Variants in MPPED1 observed in about 807,000 individuals in gnomAD.
The protein encoded by MPPED1 is metallophosphoesterase domain containing 1, also known as metallophosphoesterase domain-containing protein 1.
A neutral mutation model predicts 36.2 loss-of-function variants in MPPED1; 16 were observed. The observed-to-expected ratio is 0.44, with a 90% CI of 0.30 to 0.67. The LOEUF (loss-of-function observed/expected upper bound fraction) is 0.67, where lower values mean the gene tolerates loss of function less well. MPPED1 is among the 30% of genes least tolerant of loss of function. MPPED1 has a pLI of 0.10. For missense variants in MPPED1, 307 were observed against 453.4 expected, an observed-to-expected ratio of 0.68 and a Z score of 2.93; for synonymous variants, 199 against 191.3, an observed-to-expected ratio of 1.04 and a Z score of -0.33.
chr22:43,448,458 C>G (rs945773715), intron 3 of MPPED1, among the ~76,000 whole-genome samples: 2 of 152,218 alleles, frequency 1.3e-5, no homozygotes, highest in African/African-American at 4.8e-5. Flanking sequence ...TCTGCTGTTG[C>G]TGTCTCTGCT....
intron 3 of MPPED1, among the ~76,000 whole-genome samples, chr22:43,452,343 C>A (rs1045530420): frequency 1.3e-5 from 2 of 152,012 alleles, no homozygotes; most frequent in African/African-American, 4.8e-5. Context: ...TCTTGTGGAA[C>A]CTCTCATACT....
intron 5 of MPPED1, among the ~76,000 whole-genome samples, chr22:43,498,811 C>G (rs1932514341): frequency 6.6e-6 from 1 of 151,868 alleles, no homozygotes; most frequent in South Asian, 2.1e-4. Context: ...ACCCCACCAC[C>G]CAATCCACAC....
At chr22:43,480,962 T>C (rs905003621) in intron 4 of MPPED1, among the ~76,000 whole-genome samples, 2 of 152,078 alleles carry the variant, frequency 1.3e-5, no homozygotes, top group Non-Finnish European at 2.9e-5. Context: ...TAGCTTGGAT[T>C]ACAGGTAGCT....
chr22:43,466,976 T>C (rs1443790613), intron 3 of MPPED1, among the ~76,000 whole-genome samples: 1 of 152,242 alleles, frequency 6.6e-6, no homozygotes, highest in Non-Finnish European at 1.5e-5. Context: ...GCCATTTCTG[T>C]GTCCATGTGT....
chr22:43,424,388 C>T (rs893038976), intron 1 of MPPED1, among the ~76,000 whole-genome samples: 3 of 152,144 alleles, frequency 2.0e-5, no homozygotes, highest in African/African-American at 4.8e-5. Context: ...GGAATTTTCG[C>T]CCGTGCTGTC....
At chr22:43,485,010 C>T (rs528192352) in intron 4 of MPPED1, among the ~76,000 whole-genome samples, 15 of 152,258 alleles carry the variant, frequency 9.9e-5, no homozygotes, top group South Asian at 4.1e-4. Flanking sequence ...CTTCTACAAA[C>T]GCACAGACAC....
intron 2 of MPPED1, among the ~76,000 whole-genome samples, chr22:43,428,609 C>T (rs749067345): frequency 6.6e-6 from 1 of 152,138 alleles, no homozygotes; most frequent in South Asian, 2.1e-4. Context: ...GGTGAGGGAG[C>T]GATGGAGCCT....
chr22:43,448,751 T>C (rs1002787194), intron 3 of MPPED1, among the ~76,000 whole-genome samples: 4 of 152,050 alleles, frequency 2.6e-5, no homozygotes, highest in African/African-American at 7.2e-5. Context: ...TACAGGCACC[T>C]GCCACCATGC....
At chr22:43,414,213 G>A (rs5759330) in intron 1 of MPPED1, among the ~76,000 whole-genome samples, 32,885 of 152,188 alleles carry the variant, frequency 0.22, 4,859 homozygotes, top group East Asian at 0.61. Flanking sequence ...GCTCACCCAT[G>A]AGACTCTTAA....
At chr22:43,427,863 C>T (rs1346422690) in intron 2 of MPPED1, among the ~76,000 whole-genome samples, 3 of 152,120 alleles carry the variant, frequency 2.0e-5, no homozygotes, top group Non-Finnish European at 4.4e-5. Context: ...TGGTCCTCAC[C>T]CCCCGTGACA....
intron 4 of MPPED1, among the ~76,000 whole-genome samples, chr22:43,496,621 G>GGT (rs1932381072): frequency 4.2e-5 from 1 of 23,886 alleles, no homozygotes; most frequent in Non-Finnish European, 6.3e-5. Context: ...TGGTGGTGGA[G>GGT]ATGGTGGTGG....
intron 3 of MPPED1, among the ~76,000 whole-genome samples, chr22:43,465,122 A>C (rs971575414): frequency 1.4e-4 from 22 of 152,166 alleles, no homozygotes; most frequent in African/African-American, 5.3e-4. Context: ...AGGCACGAGG[A>C]GGGGAAAGGC....
intron 3 of MPPED1, among the ~76,000 whole-genome samples, chr22:43,448,597 T>TTA (rs1930447858): frequency 6.6e-6 from 1 of 151,014 alleles, no homozygotes; most frequent in Non-Finnish European, 1.5e-5. Context: ...TTTATTTATT[T>TTA]ATTTATTTAT....
intron 3 of MPPED1, among the ~76,000 whole-genome samples, chr22:43,437,562 G>A (rs1228907413): frequency 6.6e-6 from 1 of 152,146 alleles, no homozygotes; most frequent in Non-Finnish European, 1.5e-5. Flanking sequence ...TTGGAAGTAA[G>A]GGTGTGGACG....
rs1392699791 is a variant in MPPED1 at position 43,443,807 on chromosome 22, G to T, written c.406+8592G>T. 2.6e-5 allele frequency among the ~76,000 whole-genome samples: 4 copies of T among 152,050 alleles called. 1 individual carries two copies. Among genetic ancestry groups the T allele is most frequent in the Admixed American group, 1.3e-4 (2 of 15,258 alleles). ...AGACACACATTGTTATTCTTGCAAA[G>T]ACTTGAGATTGAATATTTTAAAAAT... On this transcript the variant is annotated intron_variant, in intron 3 of 6. Transcript: ENST00000443721.
chr22:43,484,214 G>A (rs1931840316), intron 4 of MPPED1, among the ~76,000 whole-genome samples: 3 of 152,210 alleles, frequency 2.0e-5, no homozygotes, highest in African/African-American at 7.2e-5. Context: ...CTTCATACTC[G>A]AGACCCGCAT....
Position 43,425,058 on chromosome 22 carries a change from A to G in MPPED1, c.73A>G (p.Met25Val). The change falls in exon 2 of 7, where the codon ATG (methionine) becomes GTG (valine). Residue 25 changes from methionine (M) to valine (V), a missense_variant. Met to Val is a conservative substitution (Grantham distance 21). This residue lies in a region of MPPED1 where 169 missense variants were observed against 212.3 expected (regional missense o/e 0.80). Coordinates refer to ENST00000443721, the MANE Select transcript of MPPED1 (RefSeq NM_001044370.2). ...ALALLPCGLG[M>V]AFSQSHVMAA... ...GGCCCTCCTCCCCTGCGGCCTGGGC[A>G]TGGCATTCTCCCAGTCCCACGTGAT... 2 of 1,613,312 alleles carry G rather than the reference A, an allele frequency of 1.2e-6. No homozygotes were observed. The highest frequency in any genetic ancestry group is 1.7e-6 in the Non-Finnish European group (2 of 1,179,780).
chr22:43,447,883 A>ATATATATATTTTTT (rs1321289636), intron 3 of MPPED1, among the ~76,000 whole-genome samples: 5 of 67,738 alleles, frequency 7.4e-5, no homozygotes, highest in Non-Finnish European at 1.1e-4. Flanking sequence ...ATATATATAT[A>ATATATATATTTTTT]TTTTTTTTTT....
intron 2 of MPPED1, among the ~76,000 whole-genome samples, chr22:43,426,654 C>G (rs1016353896): frequency 6.6e-6 from 1 of 152,196 alleles, no homozygotes; most frequent in South Asian, 2.1e-4. Context: ...TGGCCTCCCT[C>G]AGGCCTGGCC....
Sources: allele counts gnomAD v4.1 joint callset (sites outside exome capture counted in the v4.1 genomes callset), GRCh38; gene constraint gnomAD v4.1.1; regional missense constraint gnomAD v4.1.1; transcripts MANE v1.5; gene names NCBI Gene and HGNC (gene_info 2026-07-23, HGNC 2026-07-21).